Variants in TESC observed in about 807,000 individuals in gnomAD.
TESC encodes calcineurin B homologous protein 3.
A neutral mutation model predicts 31.0 loss-of-function variants in TESC; 19 were observed. That is an observed-to-expected ratio of 0.61 (90% CI 0.43 to 0.90). The LOEUF is 0.90. Ranked by LOEUF, TESC falls within the 40% of genes least tolerant of loss-of-function variation. The pLI, the probability that TESC is intolerant of heterozygous loss-of-function variation, is 0.00. For missense variants in TESC, 248 were observed against 303.8 expected, an observed-to-expected ratio of 0.82 and a Z score of 1.36; for synonymous variants, 109 against 114.8, an observed-to-expected ratio of 0.95 and a Z score of 0.32.
Position 117,038,990 on chromosome 12 carries a change from T to TA in TESC, c.*142dup, listed in dbSNP as rs1954440275. On this transcript the variant is annotated 3_prime_UTR_variant, in exon 8 of 8. Transcript: ENST00000335209. ...CAGCGAAGTCCCACATACCATACCC[T>TA]ACAAGACACAAGGTGCGCAGACGAG... 1.3e-6 allele frequency: 1 copy of TA among 793,922 alleles called. No homozygotes were observed. The highest frequency in any genetic ancestry group is 1.6e-5 in the South Asian group (1 of 61,388). The allele number at this position is 793,922 out of a possible 1,614,324, so 49.2% of individuals were successfully genotyped here. A position where few individuals can be genotyped will look rare whatever the true frequency, so the allele number is the denominator to read the frequency against.
intron 2 of TESC, among the ~76,000 whole-genome samples, chr12:117,063,443 G>A (rs1164255999): frequency 4.6e-5 from 7 of 152,284 alleles, no homozygotes; most frequent in East Asian, 1.9e-4. Flanking sequence ...AAAAACCACC[G>A]AGGACTGTGC....
chr12:117,043,712 C>T (rs556846212), intron 6 of TESC, among the ~76,000 whole-genome samples: 10 of 152,270 alleles, frequency 6.6e-5, no homozygotes, highest in South Asian at 4.1e-4. Context: ...GCAATCCAAC[C>T]GCCTGGGGCT....
intron 3 of TESC, among the ~76,000 whole-genome samples, chr12:117,050,892 T>A (rs1954639330): frequency 6.6e-6 from 1 of 152,152 alleles, no homozygotes; most frequent in Non-Finnish European, 1.5e-5. Flanking sequence ...GCCACTGCAC[T>A]CCAGCCTGGG....
rs1424345664 is a variant in TESC, at chr12:117,060,221, T to C, written c.129-3335A>G. Among the ~76,000 whole-genome samples, 3 of 152,328 alleles carry C rather than the reference T, an allele frequency of 2.0e-5. No homozygotes were observed. In the East Asian group the frequency reaches 5.8e-4, roughly 29 times the overall value. Reference sequence around the variant, plus strand: ...AAACAAAAAAGAACTGCTGTGCTACTGCACTATGACTCCATTTATGTAAAG... The same window carrying C: ...AAACAAAAAAGAACTGCTGTGCTACCGCACTATGACTCCATTTATGTAAAG... On this transcript the variant is annotated intron_variant, in intron 2 of 7. Transcript: ENST00000335209.
At chr12:117,053,077 C>A (rs374550275) in intron 3 of TESC, among the ~76,000 whole-genome samples, 95 of 152,314 alleles carry the variant, frequency 6.2e-4, no homozygotes, top group African/African-American at 2.1e-3. Context: ...AGGCCCGTCG[C>A]GCCTGGAGTC....
chr12:117,094,207 C>T (rs569665478), intron 1 of TESC, among the ~76,000 whole-genome samples: 16 of 152,280 alleles, frequency 1.1e-4, no homozygotes, highest in Admixed American at 6.5e-4. Context: ...TGGGAATACT[C>T]GTTTCCGGTT....
intron 1 of TESC, among the ~76,000 whole-genome samples, chr12:117,075,875 G>GTATA (rs528031954): frequency 2.7e-3 from 167 of 62,498 alleles, no homozygotes; most frequent in South Asian, 3.7e-3. Flanking sequence ...ATATATGTGT[G>GTATA]TATATATATA....
intron 1 of TESC, among the ~76,000 whole-genome samples, chr12:117,075,951 A>ATG (rs1491208287): frequency 2.6e-5 from 2 of 77,912 alleles, no homozygotes; most frequent in African/African-American, 1.5e-4. Flanking sequence ...GTATATATAC[A>ATG]TATATATATA....
chr12:117,046,042 G>C (rs1954552809), intron 6 of TESC, among the ~76,000 whole-genome samples: 1 of 152,130 alleles, frequency 6.6e-6, no homozygotes, highest in Non-Finnish European at 1.5e-5. Context: ...ACATGGAAAG[G>C]CCACTTCCCT....
At chr12:117,055,973 T>G (rs1038002242) in intron 3 of TESC, among the ~76,000 whole-genome samples, 1 of 147,988 alleles carries the variant, frequency 6.8e-6, no homozygotes, top group Non-Finnish European at 1.5e-5. Context: ...CAGGCTGGAG[T>G]GCGGTGGCAT....
At chr12:117,041,906 C>A (rs377131896) in intron 7 of TESC, 41 bp downstream of exon 7, 113 of 1,557,058 alleles carry the variant, frequency 7.3e-5, no homozygotes, top group Non-Finnish European at 9.5e-5. Flanking sequence ...CACACGAGGT[C>A]TTCAAGGGTC....
chr12:117,092,999 A>C (rs940723378), intron 1 of TESC, among the ~76,000 whole-genome samples: 28 of 152,312 alleles, frequency 1.8e-4, no homozygotes, highest in African/African-American at 6.0e-4. Context: ...GAAAAGCCAC[A>C]ACCTAGCCCA....
At chr12:117,059,106 G>GA (rs917036214) in intron 2 of TESC, among the ~76,000 whole-genome samples, 1 of 152,250 alleles carries the variant, frequency 6.6e-6, no homozygotes, top group Admixed American at 6.5e-5. Context: ...GTCCGGGTGG[G>GA]AAGTGATGAC....
intron 6 of TESC, 50 bp downstream of exon 6, chr12:117,046,509 A>G (rs1226102785): frequency 8.7e-6 from 13 of 1,501,886 alleles, no homozygotes; most frequent in Non-Finnish European, 1.2e-5. Flanking sequence ...AACGCAGACC[A>G]TAAGCGGGAA....
chr12:117,075,843 G>GTGTGCATATATATATATATA (rs1955045540), intron 1 of TESC, among the ~76,000 whole-genome samples: 1 of 40,818 alleles, frequency 2.4e-5, no homozygotes, highest in Non-Finnish European at 4.4e-5. Flanking sequence ...TTTCGTGTGT[G>GTGTGCATATATATATATATA]TGTGTATATA....
rs139870099 is a variant in TESC at position 117,094,401 on chromosome 12, C to T, written c.58+4824G>A. Among the ~76,000 whole-genome samples, 343 of 152,230 alleles carry T rather than the reference C, an allele frequency of 2.3e-3. 4 individuals are homozygous for T. The highest frequency in any genetic ancestry group is 7.8e-3 in the African/African-American group (322 of 41,526). On this transcript the variant is annotated intron_variant, in intron 1 of 7. Coordinates refer to ENST00000335209, the MANE Select transcript of TESC (RefSeq NM_017899.4). ...CTGGGTTTTCCAGTGGCTGCCTGTT[C>T]CTGAACAATACACCTTGAGTTTTAA... is the stretch of plus-strand genomic sequence containing the variant.
intron 2 of TESC, among the ~76,000 whole-genome samples, chr12:117,060,913 C>A (rs1489344572): frequency 6.6e-6 from 1 of 152,224 alleles, no homozygotes; most frequent in Non-Finnish European, 1.5e-5. Flanking sequence ...CAAACCCTCT[C>A]TGGCTTTCAC....
Position 117,046,853 on chromosome 12 carries a change from G to C in TESC, c.350-15C>G. 5.1e-6 allele frequency: 8 copies of C among 1,561,442 alleles called. No individual in the cohort carries two copies. Among genetic ancestry groups the C allele is most frequent in the Non-Finnish European group, 6.9e-6 (8 of 1,153,026 alleles). Reference sequence around the variant, plus strand: ...GTGGAACAGAACTAGGGTGGCAGGGGAGAGAGGGGACTCCGTCAGGCGGGG... The same window carrying C: ...GTGGAACAGAACTAGGGTGGCAGGGCAGAGAGGGGACTCCGTCAGGCGGGG... On this transcript the variant is annotated splice_polypyrimidine_tract_variant and intron_variant, in intron 4 of 7. Coordinates refer to ENST00000335209, the MANE Select transcript of TESC (RefSeq NM_017899.4).
intron 4 of TESC, among the ~76,000 whole-genome samples, chr12:117,047,455 C>T (rs1954585210): frequency 6.6e-6 from 1 of 151,906 alleles, no homozygotes; most frequent in African/African-American, 2.4e-5. Flanking sequence ...GATTTAGTCT[C>T]GCTCTGTCAC....
Sources: allele counts gnomAD v4.1 joint callset (sites outside exome capture counted in the v4.1 genomes callset), GRCh38; gene constraint gnomAD v4.1.1; transcripts MANE v1.5; gene names NCBI Gene and HGNC (gene_info 2026-07-23, HGNC 2026-07-21).